The following SCEL variants were observed in gnomAD, a reference collection of about 807,000 sequenced individuals.
SCEL encodes the protein sciellin.
SCEL carries 113 observed loss-of-function variants against 117.6 expected under a neutral mutation model. The observed-to-expected ratio is 0.96, with a 90% confidence interval of 0.83 to 1.12. SCEL has a LOEUF of 1.12. Among genes scored for constraint, SCEL ranks in the 50% most tolerant of loss-of-function variants. SCEL has a pLI of 0.00. For synonymous variants in SCEL, 270 were observed against 256.2 expected (o/e 1.05, Z -0.51); for missense variants, 785 against 810.8 (o/e 0.97, Z 0.39).
chr13:77,642,821 C>CCTG lies in SCEL; in HGVS notation c.2050+13_2050+14insCTG. ...TCTAAAATTATGGGTAAGTGTTACA[C>CCTG]TCTAAGCATTTAACACTTTGGTTAA... On this transcript the variant is annotated intron_variant, in intron 32 of 32. Transcript: ENST00000349847. 1.4e-6 allele frequency: 2 copies of CCTG among 1,422,362 alleles called. No homozygotes were observed. The highest frequency in any genetic ancestry group is 1.9e-6 in the Non-Finnish European group (2 of 1,030,056). The allele number at this position is 1,422,362 out of a possible 1,614,324, so 88.1% of individuals were successfully genotyped here.
intron 12 of SCEL, among the ~76,000 whole-genome samples, chr13:77,595,300 C>T (rs1479042069): frequency 6.6e-6 from 1 of 152,110 alleles, no homozygotes; most frequent in Non-Finnish European, 1.5e-5. Context: ...TTTGGACCAT[C>T]CACAGGGAGT....
At chr13:77,629,796 G>A (rs1319971191) in intron 28 of SCEL, among the ~76,000 whole-genome samples, 1 of 152,152 alleles carries the variant, frequency 6.6e-6, no homozygotes, top group Non-Finnish European at 1.5e-5. Context: ...AAATATGATT[G>A]GACAAAAATA....
At chr13:77,545,999 A>AGCTT (rs2083965999) in intron 1 of SCEL, among the ~76,000 whole-genome samples, 1 of 152,234 alleles carries the variant, frequency 6.6e-6, no homozygotes, top group African/African-American at 2.4e-5. Flanking sequence ...TTTCTCAGTT[A>AGCTT]GCTTGATCAA....
chr13:77,559,296 C>G (rs1414200919), intron 3 of SCEL, among the ~76,000 whole-genome samples: 2 of 152,304 alleles, frequency 1.3e-5, no homozygotes, highest in East Asian at 3.9e-4. Flanking sequence ...GCTAGGTCTC[C>G]TGTGAATTAT....
intron 12 of SCEL, among the ~76,000 whole-genome samples, chr13:77,595,170 C>G (rs1424167401): frequency 6.6e-6 from 1 of 152,126 alleles, no homozygotes; most frequent in African/African-American, 2.4e-5. Flanking sequence ...ACTTTCCTGT[C>G]CCTGCTCCCT....
chr13:77,543,676 T>C (rs1406752893), intron 1 of SCEL, among the ~76,000 whole-genome samples: 3 of 152,348 alleles, frequency 2.0e-5, no homozygotes, highest in Admixed American at 6.5e-5. Flanking sequence ...TTCCCACTTA[T>C]AAGGGGAAAC....
chr13:77,597,834 AT>A, intron 13 of SCEL, among the ~76,000 whole-genome samples: 1 of 152,176 alleles, frequency 6.6e-6, no homozygotes, highest in East Asian at 1.9e-4. Context: ...AGGCAGTTAT[AT>A]AAATAACCAC....
intron 24 of SCEL, among the ~76,000 whole-genome samples, 181 bp downstream of exon 24, chr13:77,614,136 A>G (rs1567420750): frequency 1.3e-5 from 2 of 152,182 alleles, no homozygotes; most frequent in Non-Finnish European, 1.5e-5. Context: ...GAAACAATGT[A>G]TGGCGGTGCT....
intron 12 of SCEL, chr13:77,597,140 G>GGGACTACAGGCCTGTGCC (rs1567397122): frequency 3.0e-5 from 6 of 197,422 alleles, no homozygotes; most frequent in African/African-American, 1.4e-4. Flanking sequence ...TCTACTGTAT[G>GGGACTACAGGCCTGTGCC]AACACTGTAT....
intron 1 of SCEL, among the ~76,000 whole-genome samples, chr13:77,555,298 C>T (rs776810448): frequency 2.0e-5 from 3 of 152,118 alleles, no homozygotes; most frequent in Non-Finnish European, 4.4e-5. Context: ...TTCCATGTGG[C>T]GGTTGCCTAA....
intron 9 of SCEL, among the ~76,000 whole-genome samples, chr13:77,574,533 A>G (rs930009000): frequency 2.4e-4 from 36 of 152,366 alleles, no homozygotes; most frequent in Admixed American, 1.7e-3. Flanking sequence ...GGAGAGAATA[A>G]TAACAATATA....
At chr13:77,556,470 T>C in intron 2 of SCEL, 126 bp from the exon 3 acceptor site, 2 of 748,102 alleles carry the variant, frequency 2.7e-6, no homozygotes, top group East Asian at 2.5e-5. Flanking sequence ...TTTGAAACAG[T>C]ACTGGACTTG....
chr13:77,548,615 A>G (rs1330335497), intron 1 of SCEL, among the ~76,000 whole-genome samples: 1 of 152,236 alleles, frequency 6.6e-6, no homozygotes, highest in Non-Finnish European at 1.5e-5. Context: ...CTTGAGTTGT[A>G]AGAATTCCCA....
intron 22 of SCEL, among the ~76,000 whole-genome samples, chr13:77,611,763 T>C (rs1055663410): frequency 2.0e-5 from 3 of 152,244 alleles, no homozygotes; most frequent in East Asian, 1.9e-4. Flanking sequence ...AGCTTTTTTA[T>C]ATGTAAAATC....
chr13:77,602,846 A>G (rs2087813955), intron 17 of SCEL, 133 bp downstream of exon 17: 2 of 733,018 alleles, frequency 2.7e-6, no homozygotes, highest in Admixed American at 2.7e-5. Context: ...CTTCACTTCA[A>G]AGAATCTACA....
chr13:77,642,849 T>C (rs758510059), intron 32 of SCEL, 41 bp downstream of exon 32: 1 of 1,034,468 alleles, frequency 9.7e-7, no homozygotes, highest in South Asian at 1.6e-5. Context: ...TTGGTTAACC[T>C]TAATGAGCAT....
At chr13:77,554,875 G>A (rs943824835) in intron 1 of SCEL, among the ~76,000 whole-genome samples, 2 of 151,960 alleles carry the variant, frequency 1.3e-5, no homozygotes, top group African/African-American at 4.8e-5. Context: ...ACCCCACCTA[G>A]GGTGACCAGC....
chr13:77,635,754 A>G (rs2090247722), intron 29 of SCEL, among the ~76,000 whole-genome samples: 1 of 152,228 alleles, frequency 6.6e-6, no homozygotes, highest in South Asian at 2.1e-4. Flanking sequence ...TTTTAAAAGT[A>G]TATACTGAAT....
intron 1 of SCEL, among the ~76,000 whole-genome samples, chr13:77,553,991 G>A (rs1264210764): frequency 6.6e-6 from 1 of 152,082 alleles, no homozygotes; most frequent in Non-Finnish European, 1.5e-5. Flanking sequence ...CCCTGTGAAG[G>A]TAATGGTCAT....
Sources: allele counts gnomAD v4.1 joint callset (sites outside exome capture counted in the v4.1 genomes callset), GRCh38; gene constraint gnomAD v4.1.1; transcripts MANE v1.5; gene names NCBI Gene and HGNC (gene_info 2026-07-23, HGNC 2026-07-21).